Variants in ABLIM1 observed in about 807,000 individuals in gnomAD.
ABLIM1 encodes the protein actin binding LIM protein 1, also known as actin-binding LIM protein 1.
In ABLIM1, 40 loss-of-function variants were observed where a neutral mutation model predicts 107.0. The observed-to-expected ratio is 0.37, with a 90% CI of 0.29 to 0.49. The LOEUF is 0.49. ABLIM1 is among the 20% of genes least tolerant of loss of function. The pLI is 0.97. For synonymous variants in ABLIM1, 357 were observed against 357.3 expected (o/e 1.00, Z 0.01); for missense variants, 857 against 1,008.5 (o/e 0.85, Z 2.04).
intron 1 of ABLIM1, among the ~76,000 whole-genome samples, chr10:114,713,755 C>T (rs996083055): frequency 6.6e-6 from 1 of 152,154 alleles, no homozygotes; most frequent in African/African-American, 2.4e-5. Context: ...CTTTCGGTTA[C>T]AGAATAATAA....
intron 1 of ABLIM1, among the ~76,000 whole-genome samples, chr10:114,647,682 T>C (rs2079067950): frequency 6.6e-6 from 1 of 152,200 alleles, no homozygotes; most frequent in African/African-American, 2.4e-5. Context: ...CCTCTCCACT[T>C]GGGCTGCAGA....
At chr10:114,574,480 C>T (rs1479853032) in intron 3 of ABLIM1, among the ~76,000 whole-genome samples, 4 of 151,922 alleles carry the variant, frequency 2.6e-5, no homozygotes, top group African/African-American at 9.7e-5. Context: ...TGCTGTGTCA[C>T]CCAGATTGGA....
At chr10:114,634,096 C>G (rs2078336381) in intron 1 of ABLIM1, among the ~76,000 whole-genome samples, 1 of 146,554 alleles carries the variant, frequency 6.8e-6, no homozygotes, top group Admixed American at 6.8e-5. Flanking sequence ...TGTAAGTGTT[C>G]CAGATATCGT....
intron 6 of ABLIM1, among the ~76,000 whole-genome samples, chr10:114,504,302 G>C (rs1347454368): frequency 6.6e-6 from 1 of 152,148 alleles, no homozygotes; most frequent in Non-Finnish European, 1.5e-5. Flanking sequence ...TCTTATGCCT[G>C]TCTGTGGGCT....
At chr10:114,649,849 C>T (rs2079164650) in intron 1 of ABLIM1, among the ~76,000 whole-genome samples, 1 of 115,658 alleles carries the variant, frequency 8.6e-6, no homozygotes, top group Admixed American at 8.9e-5. Flanking sequence ...TCCATATCCC[C>T]CCTCTTTTTT....
chr10:114,450,769 A>T (rs956064985), intron 14 of ABLIM1, among the ~76,000 whole-genome samples: 1 of 152,096 alleles, frequency 6.6e-6, no homozygotes, highest in African/African-American at 2.4e-5. Context: ...TTAAGGACTC[A>T]TGAATGTCAG....
At chr10:114,451,539 G>T in intron 14 of ABLIM1, 85 bp downstream of exon 14, 1 of 1,268,710 alleles carries the variant, frequency 7.9e-7, no homozygotes, top group Non-Finnish European at 1.2e-6. Flanking sequence ...AAAAGCAGCA[G>T]CAGGAAAAGC....
At chr10:114,720,866 C>T (rs1488894201) in intron 1 of ABLIM1, among the ~76,000 whole-genome samples, 1 of 152,218 alleles carries the variant, frequency 6.6e-6, no homozygotes, top group Non-Finnish European at 1.5e-5. Flanking sequence ...GTCTTCACCA[C>T]TCCAACTGTG....
chr10:114,739,501 G>A (rs2082245688), intron 1 of ABLIM1, among the ~76,000 whole-genome samples: 1 of 152,100 alleles, frequency 6.6e-6, no homozygotes, highest in Admixed American at 6.6e-5. Flanking sequence ...ATTTTTAGGT[G>A]TTACCATTTA....
chr10:114,599,226 A>C (rs929635255), intron 2 of ABLIM1, among the ~76,000 whole-genome samples: 3 of 152,252 alleles, frequency 2.0e-5, no homozygotes, highest in Admixed American at 6.5e-5. Flanking sequence ...AAGTATTCTT[A>C]AAATAGAATT....
At chr10:114,647,109 C>G (rs1025288054) in intron 1 of ABLIM1, among the ~76,000 whole-genome samples, 2 of 152,144 alleles carry the variant, frequency 1.3e-5, no homozygotes, top group African/African-American at 4.8e-5. Flanking sequence ...AATTATTGTG[C>G]CTCAGCCTCC....
chr10:114,628,394 C>T (rs1389414921), intron 1 of ABLIM1, among the ~76,000 whole-genome samples: 1 of 152,238 alleles, frequency 6.6e-6, no homozygotes, highest in Non-Finnish European at 1.5e-5. Flanking sequence ...AAGACAGAAT[C>T]ACGAAGAATT....
At chr10:114,779,714 T>C in the ABLIM1 span, 1 of 152,236 alleles carries the variant, frequency 6.6e-6, no homozygotes, top group Non-Finnish European at 1.5e-5. Context: ...TGTTGCATAG[T>C]ATGGATATAT....
intron 1 of ABLIM1, among the ~76,000 whole-genome samples, chr10:114,617,239 A>G (rs1311469573): frequency 6.7e-6 from 1 of 148,284 alleles, no homozygotes; most frequent in Non-Finnish European, 1.5e-5. Context: ...TACAAATTTA[A>G]TTCTTCTCAC....
chr10:114,674,985 C>A (rs1174441291), intron 1 of ABLIM1, among the ~76,000 whole-genome samples: 1 of 152,146 alleles, frequency 6.6e-6, no homozygotes, highest in Admixed American at 6.5e-5. Flanking sequence ...GCACACGGCT[C>A]TTTCCATGGC....
chr10:114,508,151 T>C (rs75978119), intron 6 of ABLIM1, among the ~76,000 whole-genome samples: 6 of 152,018 alleles, frequency 3.9e-5, no homozygotes, highest in South Asian at 4.1e-4. Context: ...CATTACAAAA[T>C]TTTTTTTCTA....
At chr10:114,797,822 C>A in the ABLIM1 span, among the ~76,000 whole-genome samples, 2 of 152,160 alleles carry the variant, frequency 1.3e-5, no homozygotes, top group African/African-American at 4.8e-5. Context: ...TGGGACAGGA[C>A]AGTTAGATTG....
At chr10:114,633,529 G>A (rs758886867) in intron 1 of ABLIM1, among the ~76,000 whole-genome samples, 5 of 151,970 alleles carry the variant, frequency 3.3e-5, no homozygotes, top group Admixed American at 2.0e-4. Flanking sequence ...AACATACTTC[G>A]CCCACACCAC....
At chr10:114,544,035 G>A (rs548838148) in intron 6 of ABLIM1, among the ~76,000 whole-genome samples, 1 of 152,360 alleles carries the variant, frequency 6.6e-6, no homozygotes, top group African/African-American at 2.4e-5. Flanking sequence ...CCCCACGGAA[G>A]AGACAGCACA....
Sources: gnomAD v4.1 joint callset for allele counts (sites outside exome capture counted in the v4.1 genomes callset) on GRCh38, gnomAD v4.1.1 for gene constraint, MANE v1.5 for transcripts, NCBI Gene and HGNC (gene_info 2026-07-23, HGNC 2026-07-21) for gene names.